EIF4G1: variants seen among roughly 807,000 people sequenced by gnomAD.
EIF4G1 encodes the protein EIF4-gamma.
EIF4G1 carries 4 observed loss-of-function variants against 187.8 expected under a neutral mutation model. That is an observed-to-expected ratio of 0.02 (90% CI 0.01 to 0.05). EIF4G1 has a LOEUF of 0.05. Among genes scored for constraint, EIF4G1 ranks in the 10% least tolerant of loss-of-function variants. EIF4G1 has a pLI of 1.00. For missense variants in EIF4G1, 1,647 were observed against 2,081.1 expected (o/e 0.79, Z 4.06); for synonymous variants, 844 against 781.4 (o/e 1.08, Z -1.34).
rs1237302780 is a variant in EIF4G1, at chr3:184,322,444, C to T, written c.1602C>T (p.Phe534=). The stretch of plus-strand genomic sequence containing the variant: ...CTGTTGGAGACCTTCTGGATGCCTT[C>T]AAGGAGGTAAGGGAGCAGAAAATGG... ...KEAVGDLLDA[F]KEANPAVPEV... Residue 534 remains phenylalanine, a synonymous_variant, in exon 11 of 33, where the codon TTC becomes TTT. Coordinates refer to ENST00000346169, the MANE Select transcript of EIF4G1 (RefSeq NM_198241.3). 1.9e-6 allele frequency: 3 copies of T among 1,613,940 alleles called. No homozygotes were observed. Among genetic ancestry groups the T allele is most frequent in the East Asian group, 2.2e-5 (1 of 44,880 alleles).
In EIF4G1 at chr3:184,331,531, C is replaced by G. The variant is rs762584493; in HGVS notation, c.4320C>G (p.Ser1440=). The change falls in exon 30 of 33, where the codon TCC becomes TCG. Residue 1440 remains serine, a synonymous_variant. Coordinates refer to ENST00000346169, the MANE Select transcript of EIF4G1 (RefSeq NM_198241.3). ...CCCCTGGCCAGAGGGCACTCCCCTCCGAGGAGCTGAACAGGCAGCTGGAGA... is the reference window on the plus strand; with the variant it reads ...CCCCTGGCCAGAGGGCACTCCCCTCGGAGGAGCTGAACAGGCAGCTGGAGA... ...SEAPGQRALP[S]EELNRQLEKL... 4 of 1,613,984 alleles carry G rather than the reference C, an allele frequency of 2.5e-6. No homozygotes were observed. In the East Asian group the frequency reaches 6.7e-5, roughly 27 times the overall value.
At position 184,323,415 on chromosome 3, in the gene EIF4G1, T is replaced by A. The variant is rs1047796264; in HGVS notation, c.2096T>A (p.Leu699Gln). ...TCATCCCTTGCTTAGCAGGCTGGCC[T>A]GGGACCCCGGCGCTCTCAGCAGGGA... ...GGELPRGPAG[L>Q]GPRRSQQGPR... Residue 699 changes from leucine to glutamine, a missense_variant, in exon 15 of 33, where the codon CTG (leucine) becomes CAG (glutamine). This residue lies in a region of EIF4G1 where 140 missense variants were observed against 222.2 expected (regional missense o/e 0.63). Transcript: ENST00000346169. The surrounding 1 kb of genome is among the most constrained non-coding windows in gnomAD (Gnocchi z 6.9). The A allele has an allele frequency of 4.3e-6, 7 of 1,614,228 alleles. No individual in the cohort carries two copies. In the South Asian group the frequency reaches 7.7e-5, roughly 18 times the overall value.
chr3:184,331,889 C>T (rs2108521252), intron 31 of EIF4G1, 57 bp from the exon 32 acceptor site: 1 of 1,614,076 alleles, frequency 6.2e-7, no homozygotes, highest in Admixed American at 1.7e-5. Context: ...GCCTTGGCCT[C>T]CCAGTTCTGA....
intron 2 of EIF4G1, 26 bp downstream of exon 2, chr3:184,315,571 G>T: frequency 2.6e-6 from 2 of 764,442 alleles, no homozygotes; most frequent in South Asian, 2.7e-5. Context: ...GTTTCAGTAG[G>T]TCAGGGGTTG....
Position 184,320,718 on chromosome 3 carries a change from C to T in EIF4G1, c.626C>T (p.Pro209Leu), listed in dbSNP as rs1723746837. The change falls in exon 8 of 33, where the codon CCC becomes CTC. Residue 209 changes from proline to leucine, a missense_variant. Transcript: ENST00000346169. Reference protein sequence around the residue: ...GARTASTPTPPQTGGGLEPQA... With the variant: ...GARTASTPTPLQTGGGLEPQA... ...CGCACTGCCTCCACACCCACCCCTC[C>T]CCAGGTACTGTCTGCTTTTCGAGTG... is the stretch of plus-strand genomic sequence containing the variant. 1.9e-6 allele frequency: 3 copies of T among 1,614,052 alleles called. No individual in the cohort carries two copies. Among genetic ancestry groups the T allele is most frequent in the African/African-American group, 2.7e-5 (2 of 74,906 alleles).
In EIF4G1 at chr3:184,321,540, C is replaced by T. The variant is rs1209748965; in HGVS notation, c.956C>T (p.Pro319Leu). The change falls in exon 10 of 33, where the codon CCT becomes CTT. Residue 319 changes from proline to leucine, a missense_variant. Coordinates refer to ENST00000346169, the MANE Select transcript of EIF4G1 (RefSeq NM_198241.3). ...EPYRLSPEPT[P>L]LAEPILEVEV... ...TATCGCCTCTCTCCAGAACCCACTC[C>T]TCTCGCCGAACCCATACTGGAAGTA... The T allele has an allele frequency of 6.2e-7, 1 of 1,614,116 alleles. No individual in the cohort carries two copies. Among genetic ancestry groups the T allele is most frequent in the Non-Finnish European group, 8.5e-7 (1 of 1,180,052 alleles).
intron 22 of EIF4G1, 120 bp downstream of exon 22, chr3:184,326,749 G>A (rs1262766261): frequency 2.7e-6 from 4 of 1,485,376 alleles, no homozygotes; most frequent in Middle Eastern, 1.8e-4. Context: ...AATAGAGGAG[G>A]TTTGTGTTGT....
chr3:184,317,701 CCCCCTT>C lies in EIF4G1; in HGVS notation c.325-11_325-6del, dbSNP rs761026770. ...CTCCCTCAACTCCTTCTCTCCCTCT[CCCCCTT>C]CCCCACCAGGGGCGTTCCACATACG... is the stretch of plus-strand genomic sequence containing the variant. On this transcript the variant is annotated splice_polypyrimidine_tract_variant and intron_variant, in intron 5 of 32. Coordinates refer to ENST00000346169, the MANE Select transcript of EIF4G1 (RefSeq NM_198241.3). 1 of 1,608,438 alleles carries C rather than the reference CCCCCTT, an allele frequency of 6.2e-7. No homozygotes were observed. Among genetic ancestry groups the C allele is most frequent in the South Asian group, 1.1e-5 (1 of 90,944 alleles).
chr3:184,316,119 C>G lies in EIF4G1; in HGVS notation c.61-13C>G. ...GCTTCCCCTCTTGCTGAACTCTGGT[C>G]TCCCCTCTTCAGCCAGCGTTTCCCC... On this transcript the variant is annotated splice_polypyrimidine_tract_variant and intron_variant, in intron 3 of 32. Coordinates refer to ENST00000346169, the MANE Select transcript of EIF4G1 (RefSeq NM_198241.3). 6.2e-7 allele frequency: 1 copy of G among 1,614,134 alleles called. No homozygotes were observed.
intron 6 of EIF4G1, among the ~76,000 whole-genome samples, chr3:184,319,427 GT>G (rs1216958413): frequency 1.4e-3 from 46 of 31,740 alleles, no homozygotes; most frequent in Admixed American, 2.9e-3. Context: ...CCTACGAGGG[GT>G]GTGTGTGTGT....
intron 21 of EIF4G1, 77 bp from the exon 22 acceptor site, chr3:184,326,450 T>G: frequency 6.8e-7 from 1 of 1,474,558 alleles, no homozygotes; most frequent in Non-Finnish European, 9.5e-7. Context: ...CACTACCTGT[T>G]TGGTTGCATA....
In EIF4G1 at chr3:184,335,117, C is replaced by A; in HGVS notation, c.*209C>A. Reference sequence around the variant, plus strand: ...GCCGCCAGGTGTCCCTCTCCTCCCCCTGGGGCACAGAGATATATTATATAT... The same window carrying A: ...GCCGCCAGGTGTCCCTCTCCTCCCCATGGGGCACAGAGATATATTATATAT... On this transcript the variant is annotated 3_prime_UTR_variant, in exon 33 of 33. Coordinates refer to ENST00000346169, the MANE Select transcript of EIF4G1 (RefSeq NM_198241.3). 1.6e-6 allele frequency: 1 copy of A among 622,952 alleles called. No homozygotes were observed. The highest frequency in any genetic ancestry group is 2.8e-6 in the Non-Finnish European group (1 of 355,076). The allele number at this position is 622,952 out of a possible 1,614,324, so 38.6% of individuals were successfully genotyped here. A position where few individuals can be genotyped will look rare whatever the true frequency, so the allele number is the denominator to read the frequency against.
At chr3:184,324,842 A>G (rs543014393) in intron 17 of EIF4G1, 36 bp from the exon 18 acceptor site, 412 of 1,607,316 alleles carry the variant, frequency 2.6e-4, no homozygotes, top group Non-Finnish European at 3.3e-4. Flanking sequence ...GTGGCTGGTT[A>G]TCTTTTTGAC....
At position 184,316,142 on chromosome 3, in the gene EIF4G1, C is replaced by T. The variant is rs371145677; in HGVS notation, c.71C>T (p.Pro24Leu). The T allele has an allele frequency of 7.4e-6, 12 of 1,614,062 alleles. No individual in the cohort carries two copies. The highest frequency in any genetic ancestry group is 1.0e-5 in the Non-Finnish European group (12 of 1,180,024). Residue 24 changes from proline (P) to leucine (L), a missense_variant, in exon 4 of 33, where the codon CCC (proline) becomes CTC (leucine). Around this residue, in one of 11 missense-constraint regions of EIF4G1, gnomAD observed 61 missense variants for 49.5 expected, o/e 1.23. Coordinates refer to ENST00000346169, the MANE Select transcript of EIF4G1 (RefSeq NM_198241.3). ...GTCTCCCCTCTTCAGCCAGCGTTTC[C>T]CCCGGGGCAGACAGCGCCGGTGGTG... is the stretch of plus-strand genomic sequence containing the variant. The part of the protein sequence containing the change: ...PSPGLPQPAF[P>L]PGQTAPVVFS...
At chr3:184,324,494 C>A in intron 17 of EIF4G1, 147 bp downstream of exon 17, 1 of 1,211,254 alleles carries the variant, frequency 8.3e-7, no homozygotes, top group Non-Finnish European at 1.2e-6. Context: ...TTGAGACAGT[C>A]TTGCTCTGTC....
At position 184,328,936 on chromosome 3, in the gene EIF4G1, G is replaced by T. The variant is rs1286165921; in HGVS notation, c.4107G>T (p.Leu1369Phe). 2.5e-6 allele frequency: 4 copies of T among 1,614,124 alleles called. No homozygotes were observed. In the African/African-American group the frequency reaches 4.0e-5, roughly 16 times the overall value. ...AGATTACAAAGCCTCTGAGACCGTT[G>T]GGCAAAGCTGCTTCCCTGTTGCTGG... Reference protein sequence around the residue: ...FREITKPLRPLGKAASLLLEI... With the variant: ...FREITKPLRPFGKAASLLLEI... Residue 1369 changes from leucine to phenylalanine, a missense_variant, in exon 28 of 33, where the codon TTG (leucine) becomes TTT (phenylalanine). Leu to Phe is a conservative substitution (Grantham distance 22). Around this residue, in one of 11 missense-constraint regions of EIF4G1, gnomAD observed 543 missense variants for 638.0 expected, o/e 0.85. Coordinates refer to ENST00000346169, the MANE Select transcript of EIF4G1 (RefSeq NM_198241.3).
intron 7 of EIF4G1, 76 bp from the exon 8 acceptor site, chr3:184,320,554 G>A: frequency 1.2e-6 from 2 of 1,611,690 alleles, no homozygotes; most frequent in Non-Finnish European, 1.7e-6. Flanking sequence ...AGTTGGCCCA[G>A]AGTCTTAAGA....
chr3:184,324,921 G>A lies in EIF4G1; in HGVS notation c.2663G>A (p.Arg888Gln), dbSNP rs1263129713. ...CTGAAGGAAGAGCTGGAAGAGGCTC[G>A]GGACATAGCCCGGCGGCGCTCTTTA... ...GRLKEELEEA[R>Q]DIARRRSLGN... The change falls in exon 18 of 33, where the codon CGG becomes CAG. Residue 888 changes from arginine (R) to glutamine (Q), a missense_variant. Around this residue, in one of 11 missense-constraint regions of EIF4G1, gnomAD observed 40 missense variants for 42.2 expected, o/e 0.95. Coordinates refer to ENST00000346169, the MANE Select transcript of EIF4G1 (RefSeq NM_198241.3). The A allele has an allele frequency of 3.1e-6, 5 of 1,614,190 alleles. No homozygotes were observed. Among genetic ancestry groups the A allele is most frequent in the Non-Finnish European group, 3.4e-6 (4 of 1,180,042 alleles).
In EIF4G1 at chr3:184,331,508, C is replaced by G. The variant is rs147696097; in HGVS notation, c.4297C>G (p.Pro1433Ala). 1.2e-6 allele frequency: 2 copies of G among 1,614,060 alleles called. No individual in the cohort carries two copies. Among genetic ancestry groups the G allele is most frequent in the African/African-American group, 2.7e-5 (2 of 74,914 alleles). ...EYTLGEESEA[P>A]GQRALPSEEL... is the part of the protein sequence containing the mutation. ...TACCCTGGGAGAGGAGTCGGAAGCC[C>G]CTGGCCAGAGGGCACTCCCCTCCGA... The change falls in exon 30 of 33, where the codon CCT becomes GCT. Residue 1433 changes from proline to alanine, a missense_variant. Pro to Ala is a conservative substitution (Grantham distance 27). Transcript: ENST00000346169.
Sources: gnomAD v4.1 joint callset for allele counts (sites outside exome capture counted in the v4.1 genomes callset) on GRCh38, gnomAD v4.1.1 for gene constraint, gnomAD v4.1.1 regional missense constraint, Gnocchi (gnomAD v3.1) non-coding constraint, MANE v1.5 for transcripts, NCBI Gene and HGNC (gene_info 2026-07-23, HGNC 2026-07-21) for gene names.